SEMA6D: variants seen among roughly 807,000 people sequenced by gnomAD.
The protein encoded by SEMA6D is semaphorin-6D.
A neutral mutation model predicts 106.6 loss-of-function variants in SEMA6D; 35 were observed. The ratio of observed to expected loss-of-function variants is 0.33; its 90% confidence interval spans 0.25 to 0.44. SEMA6D has a LOEUF of 0.44. SEMA6D is among the 20% of genes least tolerant of loss of function. The pLI is 1.00. For synonymous variants in SEMA6D, 499 were observed against 487.7 expected (o/e 1.02, Z -0.31); for missense variants, 1,185 against 1,345.9 (o/e 0.88, Z 1.87).
chr15:47,305,714 T>C (rs949966169), intron 1 of SEMA6D, among the ~76,000 whole-genome samples: 1 of 152,170 alleles, frequency 6.6e-6, no homozygotes, highest in Non-Finnish European at 1.5e-5. Context: ...CAGTGAAAAA[T>C]CATTGCATGT....
chr15:47,494,118 C>T (rs917714837), intron 3 of SEMA6D, among the ~76,000 whole-genome samples: 3 of 152,222 alleles, frequency 2.0e-5, no homozygotes, highest in Non-Finnish European at 2.9e-5. Flanking sequence ...TGCTGGTTCA[C>T]GCCTGTCTAC....
chr15:47,389,437 A>AC (rs1247805617), intron 1 of SEMA6D, among the ~76,000 whole-genome samples: 1 of 152,088 alleles, frequency 6.6e-6, no homozygotes, highest in Non-Finnish European at 1.5e-5. Flanking sequence ...AGAAAAAAAA[A>AC]AGACATCACT....
intron 1 of SEMA6D, among the ~76,000 whole-genome samples, chr15:47,367,665 C>T (rs1200495838): frequency 6.7e-6 from 1 of 148,764 alleles, no homozygotes; most frequent in Non-Finnish European, 1.5e-5. Flanking sequence ...TTCCCCTAAA[C>T]ACGCACGCTC....
intron 1 of SEMA6D, among the ~76,000 whole-genome samples, chr15:47,244,791 A>G (rs936458671): frequency 8.5e-5 from 13 of 152,200 alleles, no homozygotes; most frequent in African/African-American, 2.9e-4. Context: ...AAATGATTCT[A>G]TCACCAGATA....
At chr15:47,226,451 C>T (rs905048372) in intron 1 of SEMA6D, among the ~76,000 whole-genome samples, 1 of 152,094 alleles carries the variant, frequency 6.6e-6, no homozygotes, top group African/African-American at 2.4e-5. Context: ...AAGAAGGTAT[C>T]TGAGTAGTGA....
chr15:47,658,274 A>G (rs1276028451), intron 4 of SEMA6D, among the ~76,000 whole-genome samples: 1 of 152,196 alleles, frequency 6.6e-6, no homozygotes, highest in Non-Finnish European at 1.5e-5. Flanking sequence ...TGATCATATT[A>G]ATAGATAGGC....
intron 3 of SEMA6D, among the ~76,000 whole-genome samples, chr15:47,537,117 T>G (rs2045192470): frequency 6.6e-6 from 1 of 152,202 alleles, no homozygotes; most frequent in Non-Finnish European, 1.5e-5. Flanking sequence ...TGACAATCTC[T>G]TCCAGCATAA....
chr15:47,443,757 A>G (rs1023885473), intron 2 of SEMA6D, among the ~76,000 whole-genome samples: 1 of 152,158 alleles, frequency 6.6e-6, no homozygotes, highest in East Asian at 1.9e-4. Flanking sequence ...ATCAATATAC[A>G]GTTACCAAAC....
At chr15:47,597,935 A>T (rs2076569896) in intron 3 of SEMA6D, among the ~76,000 whole-genome samples, 2 of 151,130 alleles carry the variant, frequency 1.3e-5, no homozygotes, top group South Asian at 4.2e-4. Context: ...TGTCAAAAAT[A>T]AAATTAAATT....
intron 4 of SEMA6D, among the ~76,000 whole-genome samples, chr15:47,636,120 C>T (rs2144622558): frequency 6.6e-6 from 1 of 152,098 alleles, no homozygotes; most frequent in South Asian, 2.1e-4. Context: ...AAACCAGTAA[C>T]AAAAAATATT....
At chr15:47,415,805 C>A (rs922773444) in intron 2 of SEMA6D, among the ~76,000 whole-genome samples, 3 of 152,138 alleles carry the variant, frequency 2.0e-5, no homozygotes, top group Non-Finnish European at 2.9e-5. Flanking sequence ...TTGCAAAGAA[C>A]TGTTGATCAC....
chr15:47,519,337 C>A (rs553879724), intron 3 of SEMA6D, among the ~76,000 whole-genome samples: 1 of 152,254 alleles, frequency 6.6e-6, no homozygotes, highest in African/African-American at 2.4e-5. Context: ...GCCAGGGCAT[C>A]ACTAGGTAAC....
At chr15:47,382,402 G>C (rs998899015) in intron 1 of SEMA6D, among the ~76,000 whole-genome samples, 3 of 152,128 alleles carry the variant, frequency 2.0e-5, no homozygotes, top group African/African-American at 7.2e-5. Flanking sequence ...CCCAGCTACT[G>C]CTGCTGAGGC....
intron 3 of SEMA6D, among the ~76,000 whole-genome samples, chr15:47,521,703 C>T (rs1245529026): frequency 1.3e-5 from 2 of 152,194 alleles, no homozygotes; most frequent in South Asian, 2.1e-4. Context: ...TAAAGATTCA[C>T]GGCTGGGCAC....
intron 1 of SEMA6D, among the ~76,000 whole-genome samples, chr15:47,250,404 AAG>A (rs1247702577): frequency 2.0e-5 from 3 of 151,860 alleles, no homozygotes; most frequent in Non-Finnish European, 4.4e-5. Flanking sequence ...AAGAGAAAGA[AAG>A]AGAGAAAGAA....
In SEMA6D at chr15:47,661,876, A is replaced by G. The variant is rs181489931; in HGVS notation, c.-55+60980A>G. 3.9e-4 allele frequency among the ~76,000 whole-genome samples: 60 copies of G among 152,316 alleles called. No individual in the cohort carries two copies. The East Asian group carries it at 8.1e-3, about 21-fold the overall frequency. ...TTATTCAAACACTCTTATTGTCCCA[A>G]TTGGAGAATCAGCCTAGATATCTTG... On this transcript the variant is annotated intron_variant, in intron 4 of 19. Transcript: ENST00000558014.
chr15:47,219,933 G>C (rs1177497727), intron 1 of SEMA6D, among the ~76,000 whole-genome samples: 5 of 152,142 alleles, frequency 3.3e-5, no homozygotes. Context: ...GGCCCTGGGT[G>C]GGATAAATGG....
At chr15:47,577,395 C>T (rs1453472361) in intron 3 of SEMA6D, among the ~76,000 whole-genome samples, 1 of 152,202 alleles carries the variant, frequency 6.6e-6, no homozygotes, top group Non-Finnish European at 1.5e-5. Flanking sequence ...CTGAAAAAGT[C>T]ACTTTCAGCA....
rs544437924 is a variant in SEMA6D at position 47,458,078 on chromosome 15, C to T, written c.-158-12396C>T. Among the ~76,000 whole-genome samples, 6 of 151,836 alleles carry T rather than the reference C, an allele frequency of 4.0e-5. No individual in the cohort carries two copies. The East Asian group carries it at 7.8e-4, about 20-fold the overall frequency. On this transcript the variant is annotated intron_variant, in intron 2 of 19. Transcript: ENST00000558014. ...ATCTCTCAAAACCAAAATAAAAATACGAAATGTTTCAGACAAACAAGAGCT... is the reference window on the plus strand; with the variant it reads ...ATCTCTCAAAACCAAAATAAAAATATGAAATGTTTCAGACAAACAAGAGCT...
Sources: gnomAD v4.1 joint callset for allele counts (sites outside exome capture counted in the v4.1 genomes callset) on GRCh38, gnomAD v4.1.1 for gene constraint, MANE v1.5 for transcripts, NCBI Gene and HGNC (gene_info 2026-07-23, HGNC 2026-07-21) for gene names.